BANP: variants seen among roughly 807,000 people sequenced by gnomAD.
BANP encodes the protein BTG3 associated nuclear protein.
BANP carries 11 observed loss-of-function variants against 68.1 expected under a neutral mutation model. The observed-to-expected ratio is 0.16, with a 90% confidence interval of 0.10 to 0.27. The LOEUF (loss-of-function observed/expected upper bound fraction) is 0.27. Among genes scored for constraint, BANP ranks in the 10% least tolerant of loss-of-function variants. The pLI is 1.00. For missense variants in BANP, 504 were observed against 722.7 expected, an observed-to-expected ratio of 0.70 and a Z score of 3.47; for synonymous variants, 329 against 303.2, an observed-to-expected ratio of 1.09 and a Z score of -0.88.
Position 88,018,394 on chromosome 16 carries a change from T to C in BANP, c.656-34T>C, listed in dbSNP as rs1886601338. The C allele has an allele frequency of 6.3e-7, 1 of 1,593,336 alleles. No individual in the cohort carries two copies. Among genetic ancestry groups the C allele is most frequent in the Admixed American group, 1.7e-5 (1 of 59,278 alleles). On this transcript the variant is annotated intron_variant, in intron 6 of 13. Transcript: ENST00000682872. This position sits in a 1 kb window ranked among gnomAD's most constrained non-coding sequence, Gnocchi z 7.7. ...TCCTGAATGTGAGCTTATTTGAGCC[T>C]TGGCCATCTGAGGACCTGTCTTCTG...
At chr16:88,068,795 C>T (rs1008157538) in intron 12 of BANP, among the ~76,000 whole-genome samples, 3 of 152,178 alleles carry the variant, frequency 2.0e-5, no homozygotes, top group Admixed American at 2.0e-4. Context: ...TGAAAAGTTA[C>T]TGGTGGGTTT....
At position 87,984,149 on chromosome 16, in the gene BANP, C is replaced by T. The variant is rs767140345; in HGVS notation, c.252C>T (p.Ser84=). 5 of 1,610,966 alleles carry T rather than the reference C, an allele frequency of 3.1e-6. No homozygotes were observed. The Admixed American group carries it at 5.0e-5, about 16-fold the overall frequency. ...AAGCCCTGGAGGCTACTTGTAAATC[C>T]TTAGAAGAAAAGCTGGATCTGGTCA... ...KLQALEATCK[S]LEEKLDLVTN... is the part of the protein sequence containing the mutation. The change falls in exon 4 of 14, where the codon TCC becomes TCT. Residue 84 remains serine, a synonymous_variant. Coordinates refer to ENST00000682872, the MANE Select transcript of BANP (RefSeq NM_001386991.1).
At position 87,980,049 on chromosome 16, in the gene BANP, C is replaced by T. The variant is rs145186468; in HGVS notation, c.71-987C>T. On this transcript the variant is annotated intron_variant, in intron 2 of 13. Coordinates refer to ENST00000682872, the MANE Select transcript of BANP (RefSeq NM_001386991.1). Reference sequence around the variant, plus strand: ...GTTGATGAGGCAGATGGTCTCGCACCTCCCACATGTATGCCGTTTGTTTAT... The same window carrying T: ...GTTGATGAGGCAGATGGTCTCGCACTTCCCACATGTATGCCGTTTGTTTAT... Among the ~76,000 whole-genome samples, 870 of 152,304 alleles carry T rather than the reference C, an allele frequency of 5.7e-3. 3 individuals are homozygous for T. The highest frequency in any genetic ancestry group is 9.7e-3 in the Non-Finnish European group (658 of 68,026).
intron 11 of BANP, among the ~76,000 whole-genome samples, chr16:88,048,408 G>A (rs1432756538): frequency 2.6e-5 from 4 of 152,182 alleles, no homozygotes; most frequent in South Asian, 2.1e-4. Flanking sequence ...AAGAAAGGAC[G>A]TCCATTCTAA....
At chr16:87,986,334 A>T (rs1206200691) in intron 4 of BANP, among the ~76,000 whole-genome samples, 1 of 152,216 alleles carries the variant, frequency 6.6e-6, no homozygotes, top group East Asian at 1.9e-4. Context: ...AGCGTTGACA[A>T]AATTGGTCGT....
At chr16:88,041,740 T>G (rs948768230) in intron 11 of BANP, among the ~76,000 whole-genome samples, 1 of 152,254 alleles carries the variant, frequency 6.6e-6, no homozygotes, top group African/African-American at 2.4e-5. Flanking sequence ...GGTGCTGGGT[T>G]GCAGGCAGGA....
At chr16:87,965,102 C>T (rs548847096) in intron 1 of BANP, among the ~76,000 whole-genome samples, 12 of 152,102 alleles carry the variant, frequency 7.9e-5, no homozygotes, top group South Asian at 2.1e-4. Flanking sequence ...GTTCCAGGGC[C>T]GTGCCCTGGG....
intron 4 of BANP, among the ~76,000 whole-genome samples, chr16:87,986,131 G>A (rs538869162): frequency 1.3e-5 from 2 of 152,262 alleles, no homozygotes; most frequent in Admixed American, 1.3e-4. Flanking sequence ...CACCAAAGAT[G>A]TCCCACGGGA....
chr16:88,043,155 C>T (rs1026606237), intron 11 of BANP, among the ~76,000 whole-genome samples: 2 of 152,180 alleles, frequency 1.3e-5, no homozygotes, highest in Non-Finnish European at 2.9e-5. Flanking sequence ...TCCGCCGCAT[C>T]CTCATCATGC....
intron 1 of BANP, among the ~76,000 whole-genome samples, chr16:87,959,111 A>T (rs1300367659): frequency 6.6e-6 from 1 of 152,154 alleles, no homozygotes; most frequent in Non-Finnish European, 1.5e-5. Flanking sequence ...ACGGGATGGC[A>T]CGCTTTTCTG....
In BANP at chr16:87,968,484, CA is replaced by C. The variant is rs67671706; in HGVS notation, c.-68-6550del. Among the ~76,000 whole-genome samples the C allele has an allele frequency of 9.0e-3, 1,156 of 128,642 alleles. 19 individuals carry two copies. The highest frequency in any genetic ancestry group is 0.03 in the African/African-American group (960 of 32,500). The allele number at this position is 128,642 out of a possible 152,430, so 84.4% of individuals were successfully genotyped here. On this transcript the variant is annotated intron_variant, in intron 1 of 13. Coordinates refer to ENST00000682872, the MANE Select transcript of BANP (RefSeq NM_001386991.1). ...GGGCAACAAGAGTGAAACTCTGTCT[CA>C]AAAAAAAAAAAAATAAGTTTAGTTT...
intron 6 of BANP, among the ~76,000 whole-genome samples, chr16:88,011,114 G>C (rs1350494865): frequency 2.0e-5 from 3 of 152,220 alleles, no homozygotes; most frequent in African/African-American, 7.2e-5. Context: ...GAGTGCCACA[G>C]AGCGGCCGGA....
At chr16:88,035,487 A>T (rs2079110579) in intron 10 of BANP, 93 bp downstream of exon 10, 7 of 1,252,286 alleles carry the variant, frequency 5.6e-6, no homozygotes, top group African/African-American at 3.0e-5. Flanking sequence ...GGCAGCAGGG[A>T]GCCCCCAGGA....
Position 87,993,161 on chromosome 16 carries a change from T to C in BANP, c.362+8902T>C, listed in dbSNP as rs566737711. On this transcript the variant is annotated intron_variant, in intron 4 of 13. Coordinates refer to ENST00000682872, the MANE Select transcript of BANP (RefSeq NM_001386991.1). The stretch of plus-strand genomic sequence containing the variant: ...CATCGCATTCTGTCCAGGCCAGCAC[T>C]GTCAGCAGGACTCAGTGCTTAATGC... 2.0e-5 allele frequency among the ~76,000 whole-genome samples: 3 copies of C among 152,364 alleles called. No individual in the cohort carries two copies. The East Asian group carries it at 5.8e-4, about 29-fold the overall frequency.
At chr16:88,026,056 G>A (rs570928152) in intron 7 of BANP, among the ~76,000 whole-genome samples, 22 of 152,336 alleles carry the variant, frequency 1.4e-4, no homozygotes, top group African/African-American at 5.3e-4. Flanking sequence ...CACCTGCTCC[G>A]CCGTGGCCTT....
intron 6 of BANP, among the ~76,000 whole-genome samples, chr16:88,006,678 G>C (rs1318675210): frequency 6.6e-6 from 1 of 151,412 alleles, no homozygotes. Flanking sequence ...TATAGGACAG[G>C]CTCAGTGGCT....
At chr16:88,062,036 G>A (rs1247106092) in intron 11 of BANP, among the ~76,000 whole-genome samples, 2 of 152,192 alleles carry the variant, frequency 1.3e-5, no homozygotes, top group Admixed American at 1.3e-4. Context: ...CTTGGTTACA[G>A]TCTCAGCCCT....
chr16:87,972,612 G>T (rs2061334908), intron 1 of BANP, among the ~76,000 whole-genome samples: 1 of 152,118 alleles, frequency 6.6e-6, no homozygotes, highest in South Asian at 2.1e-4. Context: ...TCAGAAGGGA[G>T]GCTTGGTTTA....
rs543034409 is a variant in BANP at position 87,991,722 on chromosome 16, A to G, written c.362+7463A>G. ...CATTGGAAGGATGTAGCAGTACAAT[A>G]GATTTTTCTTTACTGACCTTTATCC... On this transcript the variant is annotated intron_variant, in intron 4 of 13. Transcript: ENST00000682872. 2.6e-3 allele frequency among the ~76,000 whole-genome samples: 396 copies of G among 152,346 alleles called. 4 individuals are homozygous for G. The highest frequency in any genetic ancestry group is 2.0e-3 in the Non-Finnish European group (139 of 68,010).
Sources: gnomAD v4.1 joint callset for allele counts (sites outside exome capture counted in the v4.1 genomes callset) on GRCh38, gnomAD v4.1.1 for gene constraint, Gnocchi (gnomAD v3.1) non-coding constraint, MANE v1.5 for transcripts, NCBI Gene and HGNC (gene_info 2026-07-23, HGNC 2026-07-21) for gene names.